Variants in TNFRSF12A observed in about 807,000 individuals in gnomAD.
TNFRSF12A encodes TNF receptor superfamily member 12A.
Under a neutral mutation model 15.5 loss-of-function variants are expected in TNFRSF12A, and 13 were observed. The observed-to-expected ratio is 0.84, with a 90% CI of 0.54 to 1.33. The LOEUF (loss-of-function observed/expected upper bound fraction) is 1.33, where lower values mean the gene tolerates loss of function less well. Among genes scored for constraint, TNFRSF12A ranks in the 40% most tolerant of loss-of-function variants. TNFRSF12A has a pLI of 0.00. For synonymous variants in TNFRSF12A, 89 were observed against 78.4 expected (o/e 1.14, Z -0.71); for missense variants, 174 against 173.6 (o/e 1.00, Z -0.01).
rs773100076 is a variant in TNFRSF12A, at chr16:3,021,755, A to C, written c.335-16A>C. 8 of 1,611,066 alleles carry C rather than the reference A, an allele frequency of 5.0e-6. No individual in the cohort carries two copies. The highest frequency in any genetic ancestry group is 6.8e-6 in the Non-Finnish European group (8 of 1,178,334). On this transcript the variant is annotated splice_polypyrimidine_tract_variant and intron_variant, in intron 3 of 3. Transcript: ENST00000326577. Reference sequence around the variant, plus strand: ...CCTTTTCTCTGCTGCTGACGACCCCACCTCTTATCTTGCAGCCCCCATAGA... The same window carrying C: ...CCTTTTCTCTGCTGCTGACGACCCCCCCTCTTATCTTGCAGCCCCCATAGA...
At chr16:3,021,746 G>A in intron 3 of TNFRSF12A, 25 bp from the exon 4 acceptor site, 5 of 1,611,602 alleles carry the variant, frequency 3.1e-6, no homozygotes, top group Non-Finnish European at 4.2e-6. Flanking sequence ...CTCTGCTGCT[G>A]ACGACCCCAC....
Position 3,022,367 on chromosome 16 carries a change from G to C in TNFRSF12A, c.*541G>C, listed in dbSNP as rs146183720. ...GGGGAGGGAGAATTTATTAATAAAA[G>C]AATCTTTAACTTTAAATGGTTTGGA... On this transcript the variant is annotated 3_prime_UTR_variant, in exon 4 of 4. Coordinates refer to ENST00000326577, the MANE Select transcript of TNFRSF12A (RefSeq NM_016639.3). 5.5e-6 allele frequency: 1 copy of C among 183,188 alleles called. No homozygotes were observed. The highest frequency in any genetic ancestry group is 1.3e-4 in the East Asian group (1 of 7,512). 11.3% of individuals were successfully genotyped at this position (183,188 alleles called of 1,614,324 possible). A position where few individuals can be genotyped will look rare whatever the true frequency, so the allele number is the denominator to read the frequency against.
At chr16:3,020,741 C>G in intron 1 of TNFRSF12A, 1 of 399,616 alleles carries the variant, frequency 2.5e-6, no homozygotes, top group Non-Finnish European at 4.4e-6. Context: ...GTCCGAAGTA[C>G]TTCGAATGGA....
In TNFRSF12A at chr16:3,022,075, G is replaced by T; in HGVS notation, c.*249G>T. On this transcript the variant is annotated 3_prime_UTR_variant, in exon 4 of 4. Transcript: ENST00000326577. ...TGGCTCACACAAAACAGCTGACACT[G>T]ACTAAGGAACTGCAGCATTTGCACA... The T allele has an allele frequency of 3.8e-6, 2 of 520,292 alleles. No individual in the cohort carries two copies. Among genetic ancestry groups the T allele is most frequent in the South Asian group, 5.7e-5 (2 of 35,384 alleles). 32.2% of individuals were successfully genotyped at this position (520,292 alleles called of 1,614,324 possible).
chr16:3,021,452 G>A, intron 2 of TNFRSF12A, 103 bp from the exon 3 acceptor site: 1 of 1,438,350 alleles, frequency 7.0e-7, no homozygotes, highest in Non-Finnish European at 9.2e-7. Flanking sequence ...AGGGGGCTCC[G>A]GTCAGGGAGG....
At position 3,021,568 on chromosome 16, in the gene TNFRSF12A, TC is replaced by T; in HGVS notation, c.215del (p.Pro72LeufsTer15). 1 of 1,610,750 alleles carries T rather than the reference TC, an allele frequency of 6.2e-7. No homozygotes were observed. The highest frequency in any genetic ancestry group is 8.5e-7 in the Non-Finnish European group (1 of 1,178,712). On this transcript the variant is annotated frameshift_variant, in exon 3 of 4. Transcript: ENST00000326577. LOFTEE classifies it high-confidence loss of function. ...TCCCGCCCCCAGGCGCTGCAGCACC[TC>T]CTGCCCCCTTCCGGCTGCTTTGGCC... ...DFCLGCAAAP[P>X]APFRLLWPIL... is the part of the protein sequence containing the mutation.
chr16:3,021,408 C>G (rs906877965), intron 2 of TNFRSF12A, 89 bp downstream of exon 2: 52 of 1,427,314 alleles, frequency 3.6e-5, no homozygotes, highest in Non-Finnish European at 4.5e-5. Flanking sequence ...AGCTTTGCAT[C>G]TGGGAAATCA....
chr16:3,020,395 A>C lies in TNFRSF12A; in HGVS notation c.-3A>C, dbSNP rs1007718591. The C allele has an allele frequency of 1.5e-6, 2 of 1,291,864 alleles. No individual in the cohort carries two copies. The highest frequency in any genetic ancestry group is 2.0e-6 in the Non-Finnish European group (2 of 1,019,330). 80.0% of individuals were successfully genotyped at this position (1,291,864 alleles called of 1,614,324 possible). A position where few individuals can be genotyped will look rare whatever the true frequency, so the allele number is the denominator to read the frequency against. ...AGACAGCGGCGGGCGCAGGACGTGC[A>C]CTATGGCTCGGGGCTCGCTGCGCCG... On this transcript the variant is annotated 5_prime_UTR_variant, in exon 1 of 4. Coordinates refer to ENST00000326577, the MANE Select transcript of TNFRSF12A (RefSeq NM_016639.3).
chr16:3,020,432 T>A lies in TNFRSF12A; in HGVS notation c.35T>A (p.Leu12His), dbSNP rs780986848. 7.0e-6 allele frequency: 9 copies of A among 1,292,988 alleles called. No individual in the cohort carries two copies. The African/African-American group carries it at 1.4e-4, about 20-fold the overall frequency. 80.1% of individuals were successfully genotyped at this position (1,292,988 alleles called of 1,614,324 possible). The change falls in exon 1 of 4, where the codon CTC becomes CAC. Residue 12 changes from leucine (L) to histidine (H), a missense_variant. Physicochemically the swap from Leu to His is moderately conservative, Grantham distance 99. Coordinates refer to ENST00000326577, the MANE Select transcript of TNFRSF12A (RefSeq NM_016639.3). ...ARGSLRRLLR[L>H]LVLGLWLALL... ...GGCTCGCTGCGCCGGTTGCTGCGGC[T>A]CCTCGTGCTGGGGCTCTGGCTGGCG...
In TNFRSF12A at chr16:3,020,373, C is replaced by T; in HGVS notation, c.-25C>T. 7.9e-7 allele frequency: 1 copy of T among 1,269,042 alleles called. No homozygotes were observed. Among genetic ancestry groups the T allele is most frequent in the Non-Finnish European group, 9.9e-7 (1 of 1,006,144 alleles). The allele number at this position is 1,269,042 out of a possible 1,614,324, so 78.6% of individuals were successfully genotyped here. On this transcript the variant is annotated 5_prime_UTR_variant, in exon 1 of 4. Coordinates refer to ENST00000326577, the MANE Select transcript of TNFRSF12A (RefSeq NM_016639.3). ...CCTGCCGGCCGGCGGCGGGCGCAGA[C>T]AGCGGCGGGCGCAGGACGTGCACTA...
intron 3 of TNFRSF12A, 31 bp downstream of exon 3, chr16:3,021,720 C>A (rs2072613789): frequency 1.2e-6 from 2 of 1,611,436 alleles, no homozygotes; most frequent in Non-Finnish European, 1.7e-6. Context: ...CCAGCCCTGT[C>A]AGCACTCGAC....
Position 3,020,625 on chromosome 16 carries a change from C to T in TNFRSF12A, c.94+134C>T, listed in dbSNP as rs1248886460. 5.7e-6 allele frequency: 3 copies of T among 529,264 alleles called. No homozygotes were observed. In the Admixed American group the frequency reaches 1.3e-4, roughly 23 times the overall value. The allele number at this position is 529,264 out of a possible 1,614,324, so 32.8% of individuals were successfully genotyped here. A position where few individuals can be genotyped will look rare whatever the true frequency, so the allele number is the denominator to read the frequency against. ...GGTCAGGTGGCCTTCAAACAGCTCG[C>T]TCCCGGCTGTGGGAAGTTCCATCAC... On this transcript the variant is annotated intron_variant, in intron 1 of 3. Coordinates refer to ENST00000326577, the MANE Select transcript of TNFRSF12A (RefSeq NM_016639.3).
intron 2 of TNFRSF12A, 114 bp from the exon 3 acceptor site, chr16:3,021,441 G>T (rs1567407873): frequency 7.0e-7 from 1 of 1,426,228 alleles, no homozygotes; most frequent in Non-Finnish European, 9.2e-7. Flanking sequence ...TGGGAGCTGG[G>T]AGGGGGCTCC....
At chr16:3,021,048 C>T (rs1309859000) in intron 1 of TNFRSF12A, 167 bp from the exon 2 acceptor site, 1 of 465,942 alleles carries the variant, frequency 2.1e-6, no homozygotes, top group Admixed American at 4.2e-5. Context: ...CGCGCTACGC[C>T]CTCCCTCCCG....
intron 1 of TNFRSF12A, 85 bp downstream of exon 1, chr16:3,020,576 G>C: frequency 9.7e-7 from 1 of 1,027,064 alleles, no homozygotes; most frequent in Non-Finnish European, 1.3e-6. Flanking sequence ...CGAACTGGGG[G>C]AACAGGCGGA....
Position 3,021,951 on chromosome 16 carries a change from G to A in TNFRSF12A, c.*125G>A, listed in dbSNP as rs58148974. On this transcript the variant is annotated 3_prime_UTR_variant, in exon 4 of 4. Transcript: ENST00000326577. Reference sequence around the variant, plus strand: ...CCAACCACAAGGGGGGTGGGGGGCGGTGAATCACCTCTGAGGCCTGGGCCC... The same window carrying A: ...CCAACCACAAGGGGGGTGGGGGGCGATGAATCACCTCTGAGGCCTGGGCCC... 2,385 of 1,086,234 alleles carry A rather than the reference G, an allele frequency of 2.2e-3. 28 individuals carry two copies. The African/African-American group carries it at 0.031, about 14-fold the overall frequency. 67.3% of individuals were successfully genotyped at this position (1,086,234 alleles called of 1,614,324 possible).
At chr16:3,020,817 C>T (rs774957674) in intron 1 of TNFRSF12A, 69 of 404,548 alleles carry the variant, frequency 1.7e-4, no homozygotes, top group Non-Finnish European at 2.2e-5. Flanking sequence ...CTGGTCCGTA[C>T]AGGGTCTAAC....
chr16:3,020,566 C>A, intron 1 of TNFRSF12A, 75 bp downstream of exon 1: 1 of 1,097,134 alleles, frequency 9.1e-7, no homozygotes, highest in Non-Finnish European at 1.2e-6. Context: ...AGAACAGCGC[C>A]GAACTGGGGG....
chr16:3,021,820 C>A lies in TNFRSF12A; in HGVS notation c.384C>A (p.Ile128=), dbSNP rs2232799. Residue 128 remains isoleucine, a synonymous_variant, in exon 4 of 4, where the codon ATC becomes ATA. Transcript: ENST00000326577. The part of the protein sequence containing the change: ...GGEGCPAVAL[I]Q ...AGGGCTGCCCAGCTGTGGCGCTGAT[C>A]CAGTGACAATGTGCCCCCTGCCAGC... 3,513 of 1,612,996 alleles carry A rather than the reference C, an allele frequency of 2.2e-3. 59 individuals are homozygous for A. The African/African-American group carries it at 0.04, about 19-fold the overall frequency.
Sources: allele counts gnomAD v4.1 joint callset, GRCh38; gene constraint gnomAD v4.1.1; transcripts MANE v1.5; gene names NCBI Gene and HGNC (gene_info 2026-07-23, HGNC 2026-07-21).